Variants in SHROOM1 observed in about 807,000 individuals in gnomAD.
SHROOM1 encodes the protein protein Shroom1.
SHROOM1 carries 53 observed loss-of-function variants against 64.2 expected under a neutral mutation model. The ratio of observed to expected loss-of-function variants is 0.83; its 90% CI spans 0.66 to 1.04. SHROOM1 has a LOEUF of 1.04. Ranked by LOEUF, SHROOM1 falls within the 50% of genes least tolerant of loss-of-function variation. The probability of loss-of-function intolerance (pLI) is 0.00; values close to 1 mark genes in which losing one functional copy is unlikely to be tolerated. For missense variants in SHROOM1, 1,179 were observed against 1,163.2 expected (o/e 1.01, Z -0.20); for synonymous variants, 490 against 518.9 (o/e 0.94, Z 0.76).
chr5:132,830,396 C>T lies in SHROOM1; in HGVS notation c.-501+198G>A, dbSNP rs1758809690. On this transcript the variant is annotated intron_variant, in intron 1 of 9. Coordinates refer to ENST00000378679, the MANE Select transcript of SHROOM1 (RefSeq NM_001172700.2). The surrounding 1 kb of genome is among the most constrained non-coding windows in gnomAD (Gnocchi z 5.9). The stretch of plus-strand genomic sequence containing the variant: ...CCTGCAGCTCTGCAGCTGGGAGAGG[C>T]GCGCTGGGGTCCGACTCCACTGGCG... 3.0e-6 allele frequency: 3 copies of T among 984,922 alleles called. No homozygotes were observed. The East Asian group carries it at 3.4e-4, about 112-fold the overall frequency. 61.0% of individuals were successfully genotyped at this position (984,922 alleles called of 1,614,324 possible).
chr5:132,825,172 G>A lies in SHROOM1; in HGVS notation c.969C>T (p.Pro323=). 6.2e-7 allele frequency: 1 copy of A among 1,614,136 alleles called. No homozygotes were observed. Among genetic ancestry groups the A allele is most frequent in the Non-Finnish European group, 8.5e-7 (1 of 1,180,004 alleles). Residue 323 remains proline, a synonymous_variant, in exon 4 of 10, where the codon CCC becomes CCT. Coordinates refer to ENST00000378679, the MANE Select transcript of SHROOM1 (RefSeq NM_001172700.2). The surrounding 1 kb of genome is among the most constrained non-coding windows in gnomAD (Gnocchi z 5.1). The part of the protein sequence containing the change: ...GSWGGSGGTI[P]IVQAVPQGAE... ...CTCCTGACTTCCATACCTGGACAAT[G>A]GGTATGGTCCCTCCTGATCCTCCCC...
chr5:132,830,140 GC>G lies in SHROOM1; in HGVS notation c.-501+453del. The stretch of plus-strand genomic sequence containing the variant: ...AGCGGCTCGACAGCAGATGGCCGCA[GC>G]CCCGCGCAGTTCTGGGCCTTTCCCG... On this transcript the variant is annotated intron_variant, in intron 1 of 9. Transcript: ENST00000378679. This position sits in a 1 kb window ranked among gnomAD's most constrained non-coding sequence, Gnocchi z 5.9. 1.0e-6 allele frequency: 1 copy of G among 985,420 alleles called. No homozygotes were observed. The allele number at this position is 985,420 out of a possible 1,614,324, so 61.0% of individuals were successfully genotyped here. A position where few individuals can be genotyped will look rare whatever the true frequency, so the allele number is the denominator to read the frequency against.
In SHROOM1 at chr5:132,823,777, C is replaced by G. The variant is rs771417409; in HGVS notation, c.1812-13G>C. On this transcript the variant is annotated splice_polypyrimidine_tract_variant and intron_variant, in intron 7 of 9. Coordinates refer to ENST00000378679, the MANE Select transcript of SHROOM1 (RefSeq NM_001172700.2). The surrounding 1 kb of genome is among the most constrained non-coding windows in gnomAD (Gnocchi z 4.6). ...GAACTGATAGGACCTGGGAACAAAACCAGAGCTCCCTGGGTTTCCTGTCCC... is the reference window on the plus strand; with the variant it reads ...GAACTGATAGGACCTGGGAACAAAAGCAGAGCTCCCTGGGTTTCCTGTCCC... 6 of 1,548,180 alleles carry G rather than the reference C, an allele frequency of 3.9e-6. No homozygotes were observed. The African/African-American group carries it at 8.3e-5, about 21-fold the overall frequency.
rs1334646126 is a variant in SHROOM1 at position 132,826,316 on chromosome 5, C to T, written c.-82G>A. ...GTCACACCGTCACAAGCGCTGGCAT[C>T]CCCCAGATTTTGGCAGAGTCACCTT... is the stretch of plus-strand genomic sequence containing the variant. On this transcript the variant is annotated 5_prime_UTR_variant, in exon 3 of 10. Coordinates refer to ENST00000378679, the MANE Select transcript of SHROOM1 (RefSeq NM_001172700.2). 3 of 1,235,788 alleles carry T rather than the reference C, an allele frequency of 2.4e-6. No homozygotes were observed. Among genetic ancestry groups the T allele is most frequent in the African/African-American group, 3.1e-5 (2 of 64,380 alleles). The allele number at this position is 1,235,788 out of a possible 1,614,324, so 76.6% of individuals were successfully genotyped here.
At chr5:132,827,745 C>T (rs1337946438) in intron 1 of SHROOM1, 138 bp from the exon 2 acceptor site, 1 of 152,290 alleles carries the variant, frequency 6.6e-6, no homozygotes, top group Non-Finnish European at 1.5e-5. Context: ...TCCTTAGCTT[C>T]TGCGCACGCT....
rs1324066059 is a variant in SHROOM1, at chr5:132,823,034, C to T, written c.2321G>A (p.Arg774Gln). 1 of 1,599,822 alleles carries T rather than the reference C, an allele frequency of 6.3e-7. No homozygotes were observed. Among genetic ancestry groups the T allele is most frequent in the Non-Finnish European group, 8.5e-7 (1 of 1,178,998 alleles). Residue 774 changes from arginine (R) to glutamine (Q), a missense_variant, in exon 10 of 10, where the codon CGG (arginine) becomes CAG (glutamine). Arg to Gln is a conservative substitution (Grantham distance 43, BLOSUM62 1). Coordinates refer to ENST00000378679, the MANE Select transcript of SHROOM1 (RefSeq NM_001172700.2). The surrounding 1 kb of genome is among the most constrained non-coding windows in gnomAD (Gnocchi z 4.6). ...EHVARRERAVREVLVRALPVE... is the reference protein window; with the variant it reads ...EHVARRERAVQEVLVRALPVE... Reference sequence around the variant, plus strand: ...CGGTAGTGCTCGCACCAGCACCTCCCGCACGGCCCGCTCGCGCCGCGCTAC... The same window carrying T: ...CGGTAGTGCTCGCACCAGCACCTCCTGCACGGCCCGCTCGCGCCGCGCTAC...
Position 132,822,925 on chromosome 5 carries a change from G to A in SHROOM1, c.2430C>T (p.Ile810=), listed in dbSNP as rs1758494969. Residue 810 remains isoleucine, a synonymous_variant, in exon 10 of 10, where the codon ATC becomes ATT. Transcript: ENST00000378679. Reference sequence around the variant, plus strand: ...CGTCCAGTTGGTCCTGAAGGAGGCGGATGCGCTCGTCCAGGTTGCGCTGCT... The same window carrying A: ...CGTCCAGTTGGTCCTGAAGGAGGCGAATGCGCTCGTCCAGGTTGCGCTGCT... ...LAQQRNLDER[I]RLLQDQLDAI... is the part of the protein sequence containing the mutation. The A allele has an allele frequency of 1.1e-5, 18 of 1,613,138 alleles. No individual in the cohort carries two copies. The highest frequency in any genetic ancestry group is 1.4e-5 in the Non-Finnish European group (16 of 1,179,938).
chr5:132,824,297 T>A lies in SHROOM1; in HGVS notation c.1364A>T (p.Gln455Leu), dbSNP rs781579071. The A allele has an allele frequency of 6.2e-7, 1 of 1,613,720 alleles. No homozygotes were observed. The highest frequency in any genetic ancestry group is 2.2e-5 in the East Asian group (1 of 44,886). The stretch of plus-strand genomic sequence containing the variant: ...AATACCTACAGAACCATTCACCCCC[T>A]GCCAGCAGTCATCTGCCCCTGCAGT... The part of the protein sequence containing the change: ...PGTAGADDCW[Q>L]GVNGSVGISR... Residue 455 changes from glutamine (Q) to leucine (L), a missense_variant, in exon 7 of 10, where the codon CAG becomes CTG. Physicochemically the swap from Gln to Leu is moderately radical, Grantham distance 113. Coordinates refer to ENST00000378679, the MANE Select transcript of SHROOM1 (RefSeq NM_001172700.2).
Position 132,825,427 on chromosome 5 carries a change from C to A in SHROOM1, c.714G>T (p.Pro238=). 6.3e-7 allele frequency: 1 copy of A among 1,592,230 alleles called. No individual in the cohort carries two copies. The highest frequency in any genetic ancestry group is 8.5e-7 in the Non-Finnish European group (1 of 1,176,128). ...AGGCCTCACCCAGGCATTCCCGCGC[C>A]GGCCCACCGCCCCGACCCACACGAT... The part of the protein sequence containing the change: ...KLDRVGRGGG[P]ARECLGEACS... The change falls in exon 4 of 10, where the codon CCG becomes CCT. Residue 238 remains proline (P), a synonymous_variant. Transcript: ENST00000378679. The surrounding 1 kb of genome is among the most constrained non-coding windows in gnomAD (Gnocchi z 5.1).
In SHROOM1 at chr5:132,825,220, A is replaced by G; in HGVS notation, c.921T>C (p.Ala307=). ...CCCAGGAACCCAAGACTTCGCCTGA[A>G]GCGCTCCGACTCCGACTGGCGGGCC... ...AFRPASRSRS[A]SGEVLGSWGG... The change falls in exon 4 of 10, where the codon GCT becomes GCC. Residue 307 remains alanine, a synonymous_variant. Transcript: ENST00000378679. The surrounding 1 kb of genome is among the most constrained non-coding windows in gnomAD (Gnocchi z 5.1). The G allele has an allele frequency of 6.2e-7, 1 of 1,614,054 alleles. No homozygotes were observed. Among genetic ancestry groups the G allele is most frequent in the Non-Finnish European group, 8.5e-7 (1 of 1,180,012 alleles).
chr5:132,827,060 G>A (rs951596455), intron 2 of SHROOM1, among the ~76,000 whole-genome samples: 5 of 152,142 alleles, frequency 3.3e-5, no homozygotes, highest in Non-Finnish European at 7.3e-5. Flanking sequence ...CTCAAACTCT[G>A]CCTTTCGTCT....
chr5:132,825,488 T>G lies in SHROOM1; in HGVS notation c.653A>C (p.Gln218Pro). The change falls in exon 4 of 10, where the codon CAG becomes CCG. Residue 218 changes from glutamine to proline, a missense_variant. Transcript: ENST00000378679. The surrounding 1 kb of genome is among the most constrained non-coding windows in gnomAD (Gnocchi z 5.1). ...TGGCTCTGAGAAGCACCACTTCCGC[T>G]GCTGGTTGGCGAGGGGACCCCGGCC... ...TAGRGPLANQ[Q>P]RKWCFSEPGK... 2 of 1,522,068 alleles carry G rather than the reference T, an allele frequency of 1.3e-6. No individual in the cohort carries two copies. Among genetic ancestry groups the G allele is most frequent in the Non-Finnish European group, 1.8e-6 (2 of 1,139,786 alleles). 94.3% of individuals were successfully genotyped at this position (1,522,068 alleles called of 1,614,324 possible). A position where few individuals can be genotyped will look rare whatever the true frequency, so the allele number is the denominator to read the frequency against.
rs1225761562 is a variant in SHROOM1 at position 132,827,577 on chromosome 5, CT to C, written c.-471del. 4 of 152,450 alleles carry C rather than the reference CT, an allele frequency of 2.6e-5. No individual in the cohort carries two copies. The highest frequency in any genetic ancestry group is 9.7e-5 in the African/African-American group (4 of 41,428). 9.4% of individuals were successfully genotyped at this position (152,450 alleles called of 1,614,324 possible). A position where few individuals can be genotyped will look rare whatever the true frequency, so the allele number is the denominator to read the frequency against. Reference sequence around the variant, plus strand: ...GTTGTAGTGAGCCGAGATCGCGCCACTGCACTCCAGCCTGGCGACAAAGTGA... The same window carrying C: ...GTTGTAGTGAGCCGAGATCGCGCCACGCACTCCAGCCTGGCGACAAAGTGA... On this transcript the variant is annotated 5_prime_UTR_variant, in exon 2 of 10. The change abolishes the stop of an existing upstream ORF in the 5' untranslated region. Coordinates refer to ENST00000378679, the MANE Select transcript of SHROOM1 (RefSeq NM_001172700.2).
In SHROOM1 at chr5:132,825,344, G is replaced by C. The variant is rs1445141959; in HGVS notation, c.797C>G (p.Ala266Gly). 6 of 1,602,822 alleles carry C rather than the reference G, an allele frequency of 3.7e-6. No individual in the cohort carries two copies. Among genetic ancestry groups the C allele is most frequent in the Non-Finnish European group, 5.1e-6 (6 of 1,179,264 alleles). Residue 266 changes from alanine to glycine, a missense_variant, in exon 4 of 10, where the codon GCT becomes GGT. By Grantham distance (60) the Ala-to-Gly change is moderately conservative. Coordinates refer to ENST00000378679, the MANE Select transcript of SHROOM1 (RefSeq NM_001172700.2). This position sits in a 1 kb window ranked among gnomAD's most constrained non-coding sequence, Gnocchi z 5.1. ...EPLEFQHPAL[A>G]KFEDHEVGWL... ...TCCGACCTCGTGATCTTCAAACTTAGCCAGCGCCGGATGCTGGAACTCCAA... is the reference window on the plus strand; with the variant it reads ...TCCGACCTCGTGATCTTCAAACTTACCCAGCGCCGGATGCTGGAACTCCAA...
chr5:132,822,961 G>C lies in SHROOM1; in HGVS notation c.2394C>G (p.Ala798=), dbSNP rs375721853. The C allele has an allele frequency of 1.9e-6, 3 of 1,610,852 alleles. No individual in the cohort carries two copies. Among genetic ancestry groups the C allele is most frequent in the Non-Finnish European group, 1.7e-6 (2 of 1,179,824 alleles). ...VYCALLAGKA[A]VLAQQRNLDE... Reference sequence around the variant, plus strand: ...CCAGGTTGCGCTGCTGGGCCAGGACGGCGGCCTTGCCCGCCAGCAGGGCGC... The same window carrying C: ...CCAGGTTGCGCTGCTGGGCCAGGACCGCGGCCTTGCCCGCCAGCAGGGCGC... The change falls in exon 10 of 10, where the codon GCC becomes GCG. Residue 798 remains alanine, a synonymous_variant. Transcript: ENST00000378679.
In SHROOM1 at chr5:132,826,023, A is replaced by G. The variant is rs779668098; in HGVS notation, c.118T>C (p.Ser40Pro). 4 of 1,532,720 alleles carry G rather than the reference A, an allele frequency of 2.6e-6. No individual in the cohort carries two copies. Among genetic ancestry groups the G allele is most frequent in the East Asian group, 2.6e-5 (1 of 38,526 alleles). 94.9% of individuals were successfully genotyped at this position (1,532,720 alleles called of 1,614,324 possible). The change falls in exon 4 of 10, where the codon TCC (serine) becomes CCC (proline). Residue 40 changes from serine (S) to proline (P), a missense_variant. Coordinates refer to ENST00000378679, the MANE Select transcript of SHROOM1 (RefSeq NM_001172700.2). ...DSAYSSFSAA[S>P]GGPEPRTQSP... The stretch of plus-strand genomic sequence containing the variant: ...TGCGTGCGCGGCTCGGGGCCGCCGG[A>G]GGCTGCGGAGAAAGAGCTGTAGGCC...
Position 132,824,217 on chromosome 5 carries a change from T to C in SHROOM1, c.1444A>G (p.Ile482Val). The change falls in exon 7 of 10, where the codon ATT (isoleucine) becomes GTT (valine). Residue 482 changes from isoleucine to valine, a missense_variant. Transcript: ENST00000378679. ...TTGGTGGTCAGTCCAGTGGGGTCAA[T>C]AGTTGGGATGTTATCATTTGCAGTC... ...TGTANDNIPT[I>V]DPTGLTTNPP... 3.1e-6 allele frequency: 5 copies of C among 1,614,112 alleles called. No homozygotes were observed. The highest frequency in any genetic ancestry group is 4.2e-6 in the Non-Finnish European group (5 of 1,180,008).
chr5:132,823,547 G>T lies in SHROOM1; in HGVS notation c.1954-25C>A. On this transcript the variant is annotated intron_variant, in intron 8 of 9. Transcript: ENST00000378679. The surrounding 1 kb of genome is among the most constrained non-coding windows in gnomAD (Gnocchi z 4.6). ...CCTACAGGGAAGGCTCAAGGCTGGG[G>T]CCAGGCTCATGACTTCCCTGCCCAG... 1 of 1,579,948 alleles carries T rather than the reference G, an allele frequency of 6.3e-7. No homozygotes were observed. Among genetic ancestry groups the T allele is most frequent in the Non-Finnish European group, 8.6e-7 (1 of 1,159,284 alleles).
intron 1 of SHROOM1, 120 bp from the exon 2 acceptor site, chr5:132,827,727 A>AAG (rs1230471507): frequency 2.6e-5 from 4 of 152,284 alleles, no homozygotes; most frequent in African/African-American, 9.6e-5. Context: ...GTAGAGAAGG[A>AAG]AGAGAGTTCC....
Sources: gnomAD v4.1 joint callset for allele counts (sites outside exome capture counted in the v4.1 genomes callset) on GRCh38, gnomAD v4.1.1 for gene constraint, Gnocchi (gnomAD v3.1) non-coding constraint, MANE v1.5 for transcripts, NCBI Gene and HGNC (gene_info 2026-07-23, HGNC 2026-07-21) for gene names.